Variants in AHRR observed in about 807,000 individuals in gnomAD.
AHRR encodes the protein aryl hydrocarbon receptor repressor.
A neutral mutation model predicts 44.0 loss-of-function variants in AHRR; 28 were observed. The observed-to-expected ratio is 0.64, with a 90% CI of 0.47 to 0.87. The LOEUF (loss-of-function observed/expected upper bound fraction) is 0.87. Among genes scored for constraint, AHRR ranks in the 40% least tolerant of loss-of-function variants. The pLI is 0.00. For missense variants in AHRR, 990 were observed against 953.9 expected (o/e 1.04, Z -0.50); for synonymous variants, 434 against 407.0 (o/e 1.07, Z -0.80).
chr5:321,979 G>A lies in AHRR; in HGVS notation c.-11+160G>A, dbSNP rs899110850. On this transcript the variant is annotated intron_variant, in intron 1 of 10. Coordinates refer to ENST00000684583, the MANE Select transcript of AHRR (RefSeq NM_001377236.1). This position sits in a 1 kb window ranked among gnomAD's most constrained non-coding sequence, Gnocchi z 8.3. Reference sequence around the variant, plus strand: ...AGGCCCGGCGGCCCCGGGACGGGGCGGACACTCTGGGGTGCGGCTGGCTGG... The same window carrying A: ...AGGCCCGGCGGCCCCGGGACGGGGCAGACACTCTGGGGTGCGGCTGGCTGG... 1.3e-5 allele frequency among the ~76,000 whole-genome samples: 2 copies of A among 152,064 alleles called. No homozygotes were observed. The highest frequency in any genetic ancestry group is 4.8e-5 in the African/African-American group (2 of 41,424).
At chr5:323,919 G>T (rs1019309222) in intron 1 of AHRR, among the ~76,000 whole-genome samples, 8 of 151,714 alleles carry the variant, frequency 5.3e-5, no homozygotes, top group Non-Finnish European at 7.4e-5. Flanking sequence ...CTGATGACTC[G>T]GGTAGGAAAG....
chr5:397,229 CT>C (rs1319860396), intron 4 of AHRR, among the ~76,000 whole-genome samples: 1 of 113,796 alleles, frequency 8.8e-6, no homozygotes, highest in East Asian at 2.6e-4. Context: ...CACGTAGCCC[CT>C]GACCATCCAC....
In AHRR at chr5:411,117, T is replaced by A; in HGVS notation, c.352-2227T>A. On this transcript the variant is annotated intron_variant, in intron 4 of 10. Coordinates refer to ENST00000684583, the MANE Select transcript of AHRR (RefSeq NM_001377236.1). This position sits in a 1 kb window ranked among gnomAD's most constrained non-coding sequence, Gnocchi z 4.2. ...TGACTCTGTTAATGGCCTTTATTAT[T>A]TGACTGTTCTAAACCATTTTCATGG... 6.6e-6 allele frequency among the ~76,000 whole-genome samples: 1 copy of A among 152,174 alleles called. No individual in the cohort carries two copies. The highest frequency in any genetic ancestry group is 1.9e-4 in the East Asian group (1 of 5,194).
At chr5:346,381 GA>G (rs964557057) in intron 2 of AHRR, among the ~76,000 whole-genome samples, 3 of 152,174 alleles carry the variant, frequency 2.0e-5, no homozygotes, top group African/African-American at 7.2e-5. Flanking sequence ...CAAAGGCCCA[GA>G]AACTCCTTTC....
At position 327,131 on chromosome 5, in the gene AHRR, C is replaced by T. The variant is rs375196126; in HGVS notation, c.-11+5312C>T. 9.8e-5 allele frequency among the ~76,000 whole-genome samples: 15 copies of T among 152,294 alleles called. No individual in the cohort carries two copies. The East Asian group carries it at 2.9e-3, about 29-fold the overall frequency. On this transcript the variant is annotated intron_variant, in intron 1 of 10. Transcript: ENST00000684583. ...GTATTGAATTATGGATTTTTGTTTA[C>T]TTGCATTTCCCTAATGATTTACAGG...
At chr5:374,059 C>T (rs1048495644) in intron 3 of AHRR, among the ~76,000 whole-genome samples, 2 of 152,082 alleles carry the variant, frequency 1.3e-5, no homozygotes, top group African/African-American at 2.4e-5. Flanking sequence ...GCGGGTGGGA[C>T]GGGGTCGGCT....
At position 414,925 on chromosome 5, in the gene AHRR, G is replaced by A. The variant is rs112471845; in HGVS notation, c.441+1492G>A. Among the ~76,000 whole-genome samples the A allele has an allele frequency of 1.2e-3, 185 of 152,368 alleles. 1 individual carries two copies. Among genetic ancestry groups the A allele is most frequent in the African/African-American group, 4.3e-3 (177 of 41,584 alleles). On this transcript the variant is annotated intron_variant, in intron 5 of 10. Coordinates refer to ENST00000684583, the MANE Select transcript of AHRR (RefSeq NM_001377236.1). ...CAACGAAGGACTAAAGGGACTCTGA[G>A]GACACAGATACAGCAACAGAGGGGC...
chr5:375,461 G>T (rs972295520), intron 3 of AHRR, among the ~76,000 whole-genome samples: 2 of 152,216 alleles, frequency 1.3e-5, no homozygotes, highest in African/African-American at 2.4e-5. Flanking sequence ...GAAGTGGGCA[G>T]ATCCGGTGAA....
intron 1 of AHRR, among the ~76,000 whole-genome samples, chr5:325,566 A>G (rs7731758): frequency 0.099 from 15,066 of 151,990 alleles, 2,406 homozygotes; most frequent in African/African-American, 0.34. Flanking sequence ...CATGATGGAG[A>G]CGAGGCTGGG....
Position 353,937 on chromosome 5 carries a change from G to A in AHRR, c.244+26G>A, listed in dbSNP as rs1048040469. The A allele has an allele frequency of 5.0e-6, 8 of 1,590,770 alleles. No homozygotes were observed. The East Asian group carries it at 6.7e-5, about 13-fold the overall frequency. On this transcript the variant is annotated intron_variant, in intron 3 of 10. Coordinates refer to ENST00000684583, the MANE Select transcript of AHRR (RefSeq NM_001377236.1). ...GTAGGACTCTCACCTGCTCCCACCT[G>A]TTCACTTGAGTCAGGCTGTGTCTCC...
At chr5:425,766 A>AAT (rs1736360500) in intron 7 of AHRR, among the ~76,000 whole-genome samples, 1 of 152,238 alleles carries the variant, frequency 6.6e-6, no homozygotes, top group Non-Finnish European at 1.5e-5. Flanking sequence ...AAAATATTGC[A>AAT]ATAAGGTTTA....
intron 7 of AHRR, 126 bp downstream of exon 7, chr5:424,103 G>A: frequency 7.2e-7 from 1 of 1,383,670 alleles, no homozygotes; most frequent in South Asian, 1.4e-5. Context: ...GGAGGGACGG[G>A]GGCCGGTGCT....
intron 4 of AHRR, among the ~76,000 whole-genome samples, chr5:389,037 C>T (rs929779558): frequency 9.2e-5 from 14 of 152,120 alleles, no homozygotes; most frequent in African/African-American, 3.4e-4. Context: ...CTGGGCCAGA[C>T]GCCCCATGAG....
intron 4 of AHRR, among the ~76,000 whole-genome samples, chr5:402,202 C>A (rs139009590): frequency 1.3e-5 from 2 of 152,360 alleles, no homozygotes; most frequent in Admixed American, 1.3e-4. Flanking sequence ...AGGTGCTCGG[C>A]ATCGCCAGGC....
chr5:428,356 C>T (rs1227501906), intron 8 of AHRR, among the ~76,000 whole-genome samples: 1 of 152,246 alleles, frequency 6.6e-6, no homozygotes, highest in African/African-American at 2.4e-5. Flanking sequence ...CCGCCCTTCA[C>T]ACCGTCTGTC....
At chr5:396,412 G>A (rs977850594) in intron 4 of AHRR, among the ~76,000 whole-genome samples, 4 of 152,110 alleles carry the variant, frequency 2.6e-5, no homozygotes, top group Non-Finnish European at 5.9e-5. Context: ...TGAGGCGGGC[G>A]GCCCCAGCCT....
chr5:355,567 C>T (rs1043548027), intron 3 of AHRR, among the ~76,000 whole-genome samples: 7 of 152,190 alleles, frequency 4.6e-5, no homozygotes, highest in East Asian at 1.9e-4. Context: ...ATTTCCTCTC[C>T]GCACAGGTCC....
At chr5:430,092 G>A (rs1160385163) in intron 8 of AHRR, among the ~76,000 whole-genome samples, 7 of 152,374 alleles carry the variant, frequency 4.6e-5, no homozygotes, top group African/African-American at 1.7e-4. Context: ...TGTACCTGCT[G>A]TGGCAGGCGC....
intron 4 of AHRR, among the ~76,000 whole-genome samples, chr5:397,680 T>C (rs148426454): frequency 0.11 from 8,453 of 77,808 alleles, 1,172 homozygotes; most frequent in African/African-American, 0.38. Flanking sequence ...TGACCATCCA[T>C]GTAGCCCCTG....
Sources: allele counts gnomAD v4.1 joint callset (sites outside exome capture counted in the v4.1 genomes callset), GRCh38; gene constraint gnomAD v4.1.1; non-coding constraint Gnocchi (gnomAD v3.1); transcripts MANE v1.5; gene names NCBI Gene and HGNC (gene_info 2026-07-23, HGNC 2026-07-21).